CELF4: variants seen among roughly 807,000 people sequenced by gnomAD.
CELF4 encodes the protein CUG-BP- and ETR-3-like factor 4.
CELF4 carries 18 observed loss-of-function variants against 59.9 expected under a neutral mutation model. The ratio of observed to expected loss-of-function variants is 0.30; its 90% CI spans 0.21 to 0.45. The LOEUF (loss-of-function observed/expected upper bound fraction) is 0.45. Among genes scored for constraint, CELF4 ranks in the 20% least tolerant of loss-of-function variants. The pLI, the probability that CELF4 is intolerant of heterozygous loss-of-function variation, is 1.00. For missense variants in CELF4, 456 were observed against 689.0 expected (o/e 0.66, Z 3.79); for synonymous variants, 261 against 267.1 (o/e 0.98, Z 0.22).
At chr18:37,305,509 G>T (rs932802931) in intron 3 of CELF4, 1 of 152,376 alleles carries the variant, frequency 6.6e-6, no homozygotes, top group Non-Finnish European at 1.5e-5. Flanking sequence ...CCCGGCCTCT[G>T]CTGGCCTCTG....
intron 2 of CELF4, among the ~76,000 whole-genome samples, chr18:37,483,875 T>A (rs983657895): frequency 9.9e-5 from 15 of 152,228 alleles, no homozygotes; most frequent in African/African-American, 3.6e-4. Flanking sequence ...AGTATTTCTA[T>A]AAATTATTAA....
chr18:37,547,418 C>T (rs1056774236), intron 1 of CELF4, among the ~76,000 whole-genome samples: 1 of 152,186 alleles, frequency 6.6e-6, no homozygotes, highest in South Asian at 2.1e-4. Context: ...CCAGTTGCCA[C>T]CCCCTGGAGG....
intron 1 of CELF4, among the ~76,000 whole-genome samples, chr18:37,488,564 G>T (rs2154603338): frequency 6.6e-6 from 1 of 152,264 alleles, no homozygotes; most frequent in Middle Eastern, 3.4e-3. Flanking sequence ...TTGCCTGAGA[G>T]TTGATAAGTG....
At chr18:37,354,941 G>A (rs1225026574) in intron 2 of CELF4, among the ~76,000 whole-genome samples, 1 of 152,248 alleles carries the variant, frequency 6.6e-6, no homozygotes, top group South Asian at 2.1e-4. Flanking sequence ...TTTCCATAAG[G>A]AAGAAGCCTT....
intron 2 of CELF4, among the ~76,000 whole-genome samples, chr18:37,384,086 C>T (rs987220542): frequency 2.6e-5 from 4 of 152,052 alleles, no homozygotes; most frequent in South Asian, 2.1e-4. Context: ...TGGGCAGAGA[C>T]GCTCAATGCG....
chr18:37,490,594 T>A (rs1477238489), intron 1 of CELF4, among the ~76,000 whole-genome samples: 1 of 152,032 alleles, frequency 6.6e-6, no homozygotes, highest in Non-Finnish European at 1.5e-5. Flanking sequence ...CGGGGCTGGC[T>A]GCTGCGGTGC....
intron 1 of CELF4, among the ~76,000 whole-genome samples, chr18:37,529,973 C>T (rs2099967805): frequency 2.6e-5 from 4 of 152,174 alleles, no homozygotes; most frequent in Non-Finnish European, 5.9e-5. Flanking sequence ...ACCACCTCCA[C>T]TCACAGAATG....
At chr18:37,405,036 C>T (rs2099366961) in intron 2 of CELF4, among the ~76,000 whole-genome samples, 1 of 152,220 alleles carries the variant, frequency 6.6e-6, no homozygotes, top group Admixed American at 6.5e-5. Context: ...GCCGTTCACC[C>T]ACGGGGCCAC....
At chr18:37,391,112 G>A (rs2099156767) in intron 2 of CELF4, among the ~76,000 whole-genome samples, 1 of 152,118 alleles carries the variant, frequency 6.6e-6, no homozygotes, top group Admixed American at 6.5e-5. Context: ...GGAGAGGACA[G>A]GGATGGACCC....
At position 37,259,225 on chromosome 18, in the gene CELF4, T is replaced by C. The variant is rs1569101976; in HGVS notation, c.1289A>G (p.Gln430Arg). Residue 430 changes from glutamine (Q) to arginine (R), a missense_variant, in exon 11 of 13, where the codon CAG (glutamine) becomes CGG (arginine). By Grantham distance (43) the Gln-to-Arg change is conservative. Coordinates refer to ENST00000420428, the MANE Select transcript of CELF4 (RefSeq NM_020180.4). ...CATCAGCTCAGCGTCCCCAAACTCC[T>C]GGGGCAGATGGTAGATGAACAGGTT... is the stretch of plus-strand genomic sequence containing the variant. ...GCNLFIYHLP[Q>R]EFGDAELMQM... The C allele has an allele frequency of 7.3e-7, 1 of 1,363,684 alleles. No homozygotes were observed. The highest frequency in any genetic ancestry group is 1.1e-5 in the South Asian group (1 of 87,794). 84.5% of individuals were successfully genotyped at this position (1,363,684 alleles called of 1,614,324 possible).
intron 2 of CELF4, among the ~76,000 whole-genome samples, chr18:37,418,628 G>A (rs1228206505): frequency 6.6e-6 from 1 of 152,256 alleles, no homozygotes; most frequent in Non-Finnish European, 1.5e-5. Flanking sequence ...CCTAGGTCAA[G>A]TCACTTGGCC....
chr18:37,427,037 CGG>C (rs5741769), intron 2 of CELF4, among the ~76,000 whole-genome samples: 1,408 of 123,216 alleles, frequency 0.011, 58 homozygotes, highest in Admixed American at 0.067. Context: ...AGCAGGGACA[CGG>C]GGGGGGGGGA....
chr18:37,297,265 C>T (rs960471419), intron 3 of CELF4, among the ~76,000 whole-genome samples: 2 of 152,182 alleles, frequency 1.3e-5, no homozygotes, highest in Non-Finnish European at 2.9e-5. Flanking sequence ...CCACTACCTG[C>T]CATCTGCCAA....
intron 3 of CELF4, among the ~76,000 whole-genome samples, chr18:37,282,916 G>A (rs1019784699): frequency 3.3e-5 from 5 of 152,170 alleles, no homozygotes; most frequent in African/African-American, 4.8e-5. Flanking sequence ...GCTGGGAGCC[G>A]CCTCTGAGGA....
intron 2 of CELF4, among the ~76,000 whole-genome samples, chr18:37,359,310 C>T (rs1393576330): frequency 2.0e-5 from 3 of 152,108 alleles, no homozygotes; most frequent in Middle Eastern, 6.3e-3. Flanking sequence ...AGTGCTGGGC[C>T]ATCTGGATTC....
chr18:37,318,686 T>G (rs1450869218), intron 3 of CELF4, among the ~76,000 whole-genome samples: 5 of 144,920 alleles, frequency 3.5e-5, no homozygotes, highest in Non-Finnish European at 6.0e-5. Flanking sequence ...TAATCTGGTT[T>G]GGGGCGAGTG....
At chr18:37,509,427 C>A (rs1243885488) in intron 1 of CELF4, among the ~76,000 whole-genome samples, 1 of 145,302 alleles carries the variant, frequency 6.9e-6, no homozygotes, top group African/African-American at 2.9e-5. Context: ...TTTGGTTGAC[C>A]CAAGACTTGA....
intron 1 of CELF4, among the ~76,000 whole-genome samples, chr18:37,565,032 T>C (rs2099987761): frequency 1.3e-5 from 2 of 151,808 alleles, no homozygotes; most frequent in Admixed American, 1.3e-4. Context: ...GGTGCAGCCT[T>C]CCCCATCCCC....
intron 2 of CELF4, among the ~76,000 whole-genome samples, chr18:37,434,328 G>C (rs2099681909): frequency 6.6e-6 from 1 of 152,202 alleles, no homozygotes; most frequent in Admixed American, 6.5e-5. Flanking sequence ...CCCGGAGGCT[G>C]GTTTCTGGCA....
Sources: allele counts gnomAD v4.1 joint callset (sites outside exome capture counted in the v4.1 genomes callset), GRCh38; gene constraint gnomAD v4.1.1; transcripts MANE v1.5; gene names NCBI Gene and HGNC (gene_info 2026-07-23, HGNC 2026-07-21).